Variants in GYPB observed in about 807,000 individuals in gnomAD.
GYPB encodes the protein glycophorin-B.
A neutral mutation model predicts 15.3 loss-of-function variants in GYPB; 13 were observed. The observed-to-expected ratio is 0.85, with a 90% CI of 0.55 to 1.35. The LOEUF (loss-of-function observed/expected upper bound fraction) is 1.35, where lower values mean the gene tolerates loss of function less well. GYPB is among the 40% of genes most tolerant of loss of function. The pLI is 0.00. For synonymous variants in GYPB, 38 were observed against 36.9 expected, an observed-to-expected ratio of 1.03 and a Z score of -0.11; for missense variants, 131 against 108.3, an observed-to-expected ratio of 1.21 and a Z score of -0.93.
At chr4:144,003,317 G>T (rs111406666) in intron 1 of GYPB, among the ~76,000 whole-genome samples, 1 of 151,326 alleles carries the variant, frequency 6.6e-6, no homozygotes, top group Non-Finnish European at 1.5e-5. Flanking sequence ...ACATGCGGGA[G>T]CTTTGCAGTA....
chr4:144,007,692 C>T (rs1297607424), intron 1 of GYPB, among the ~76,000 whole-genome samples: 1 of 151,604 alleles, frequency 6.6e-6, no homozygotes, highest in Non-Finnish European at 1.5e-5. Flanking sequence ...CTGGCTTTGC[C>T]ATCAAATGGT....
Position 144,013,647 on chromosome 4 carries a change from T to A in GYPB, c.37+5604A>T, listed in dbSNP as rs547991715. Among the ~76,000 whole-genome samples the A allele has an allele frequency of 3.4e-3, 511 of 151,022 alleles. 26 individuals carry two copies. Among genetic ancestry groups the A allele is most frequent in the African/African-American group, 0.012 (479 of 40,412 alleles). On this transcript the variant is annotated intron_variant, in intron 1 of 4. Coordinates refer to ENST00000502664, the MANE Select transcript of GYPB (RefSeq NM_002100.6). Reference sequence around the variant, plus strand: ...ACATGGATGAAATTGGAAATCATCATTCTCAGTAAACTATCGCAAGAACAA... The same window carrying A: ...ACATGGATGAAATTGGAAATCATCAATCTCAGTAAACTATCGCAAGAACAA...
intron 3 of GYPB, among the ~76,000 whole-genome samples, chr4:143,998,786 C>T (rs373445774): frequency 4.3e-4 from 62 of 144,372 alleles, no homozygotes; most frequent in Middle Eastern, 3.4e-3. Context: ...TTTATAAGCT[C>T]TTATGAGGCT....
chr4:143,998,282 T>C (rs1727430585), intron 3 of GYPB, among the ~76,000 whole-genome samples: 1 of 151,542 alleles, frequency 6.6e-6, no homozygotes, highest in African/African-American at 2.5e-5. Flanking sequence ...ATGAAACAAT[T>C]GAAATCAATT....
chr4:144,018,723 G>A lies in GYPB; in HGVS notation c.37+528C>T, dbSNP rs182575558. Among the ~76,000 whole-genome samples the A allele has an allele frequency of 2.0e-3, 295 of 151,132 alleles. 2 individuals are homozygous for A. Among genetic ancestry groups the A allele is most frequent in the Non-Finnish European group, 1.3e-3 (85 of 67,970 alleles). On this transcript the variant is annotated intron_variant, in intron 1 of 4. Transcript: ENST00000502664. Reference sequence around the variant, plus strand: ...TCACACGACACCTAAGCCAGTAAGAGTTGTTTTTGTTTTTTTTCTTCCTAT... The same window carrying A: ...TCACACGACACCTAAGCCAGTAAGAATTGTTTTTGTTTTTTTTCTTCCTAT...
At chr4:143,995,930 G>A (rs1291986053), downstream of GYPB, among the ~76,000 whole-genome samples, 1 of 151,250 alleles carries the variant, frequency 6.6e-6, no homozygotes. Context: ...GAGACTTCAT[G>A]TTATCTTGGA....
chr4:144,000,402 G>A, intron 2 of GYPB: 1 of 1,098,700 alleles, frequency 9.1e-7, no homozygotes, highest in Non-Finnish European at 1.2e-6. Flanking sequence ...TTTCTGGAGG[G>A]GAAACAGTTG....
At chr4:144,007,106 T>C (rs1160967690) in intron 1 of GYPB, among the ~76,000 whole-genome samples, 20 of 150,744 alleles carry the variant, frequency 1.3e-4, no homozygotes, top group African/African-American at 4.7e-4. Flanking sequence ...TTCATTTTTC[T>C]TTTTTGGAAG....
In GYPB at chr4:143,997,491, G is replaced by C. The variant is rs571411487; in HGVS notation, c.270+49C>G. Reference sequence around the variant, plus strand: ...GAACTCAGAGGAATAAACCCTCCTAGAGCTGTTCACACTGGTATTTAGAGC... The same window carrying C: ...GAACTCAGAGGAATAAACCCTCCTACAGCTGTTCACACTGGTATTTAGAGC... On this transcript the variant is annotated intron_variant, in intron 4 of 4. Transcript: ENST00000502664. The C allele has an allele frequency of 1.3e-5, 13 of 988,530 alleles. No homozygotes were observed. The East Asian group carries it at 3.1e-4, about 24-fold the overall frequency. The allele number at this position is 988,530 out of a possible 1,614,324, so 61.2% of individuals were successfully genotyped here. A position where few individuals can be genotyped will look rare whatever the true frequency, so the allele number is the denominator to read the frequency against.
At chr4:143,995,849 C>G (rs1727285938), downstream of GYPB, among the ~76,000 whole-genome samples, 1 of 151,316 alleles carries the variant, frequency 6.6e-6, no homozygotes, top group African/African-American at 2.5e-5. Flanking sequence ...TTTTAAATTA[C>G]AGTGCCGTTT....
intron 1 of GYPB, among the ~76,000 whole-genome samples, chr4:144,005,508 A>G (rs1217281185): frequency 2.0e-5 from 3 of 151,846 alleles, no homozygotes; most frequent in Non-Finnish European, 4.4e-5. Flanking sequence ...TTATTGTATT[A>G]CTTAGATTAT....
At chr4:143,999,728 G>A (rs1727522489) in intron 2 of GYPB, among the ~76,000 whole-genome samples, 1 of 151,362 alleles carries the variant, frequency 6.6e-6, no homozygotes, top group South Asian at 2.1e-4. Flanking sequence ...GAAAGTATTG[G>A]AAGAATCACT....
At chr4:144,004,774 C>T (rs1727807770) in intron 1 of GYPB, among the ~76,000 whole-genome samples, 1 of 151,868 alleles carries the variant, frequency 6.6e-6, no homozygotes, top group Admixed American at 6.5e-5. Flanking sequence ...AACTACTTGG[C>T]TCTCCTAGAT....
intron 1 of GYPB, among the ~76,000 whole-genome samples, chr4:144,006,675 C>G (rs1347787509): frequency 4.6e-5 from 7 of 151,978 alleles, no homozygotes; most frequent in Admixed American, 2.0e-4. Context: ...GAAGCCTTAT[C>G]TTGCATAAGC....
At chr4:144,003,157 G>T (rs1168205048) in intron 1 of GYPB, among the ~76,000 whole-genome samples, 1 of 151,462 alleles carries the variant, frequency 6.6e-6, no homozygotes, top group African/African-American at 2.5e-5. Flanking sequence ...TATTTACAAA[G>T]ATAACTAATG....
chr4:143,996,254 T>C lies in GYPB; in HGVS notation c.*45A>G, dbSNP rs1404328780. 1 of 1,550,250 alleles carries C rather than the reference T, an allele frequency of 6.5e-7. No individual in the cohort carries two copies. The highest frequency in any genetic ancestry group is 8.7e-7 in the Non-Finnish European group (1 of 1,146,852). On this transcript the variant is annotated 3_prime_UTR_variant, in exon 5 of 5. Coordinates refer to ENST00000502664, the MANE Select transcript of GYPB (RefSeq NM_002100.6). ...TTTGCATAAACAAGAGAACAGCAGG[T>C]GCAGCCGGTTCTAGGCAAGATCAGG...
chr4:144,013,426 C>A lies in GYPB; in HGVS notation c.37+5825G>T, dbSNP rs192596887. On this transcript the variant is annotated intron_variant, in intron 1 of 4. Transcript: ENST00000502664. ...CAGCCATCCAATTACTGGGTATATACCCAAAGGACCATAAATCATGCTGCT... is the reference window on the plus strand; with the variant it reads ...CAGCCATCCAATTACTGGGTATATAACCAAAGGACCATAAATCATGCTGCT... Among the ~76,000 whole-genome samples, 270 of 151,340 alleles carry A rather than the reference C, an allele frequency of 1.8e-3. 15 individuals carry two copies. The highest frequency in any genetic ancestry group is 6.5e-3 in the African/African-American group (266 of 40,656).
intron 1 of GYPB, among the ~76,000 whole-genome samples, chr4:144,014,472 A>C (rs532170882): frequency 6.6e-6 from 1 of 151,714 alleles, no homozygotes; most frequent in Non-Finnish European, 1.5e-5. Flanking sequence ...AAGGAATGAA[A>C]TACTGATACA....
chr4:144,007,229 C>CT (rs1294130561), intron 1 of GYPB, among the ~76,000 whole-genome samples: 1 of 151,226 alleles, frequency 6.6e-6, no homozygotes, highest in Non-Finnish European at 1.5e-5. Flanking sequence ...ATTCTCAATA[C>CT]TTTTTATTTG....
Sources: allele counts gnomAD v4.1 joint callset (sites outside exome capture counted in the v4.1 genomes callset), GRCh38; gene constraint gnomAD v4.1.1; transcripts MANE v1.5; gene names NCBI Gene and HGNC (gene_info 2026-07-23, HGNC 2026-07-21).